The following STAT5B variants were observed in gnomAD, a reference collection of about 807,000 sequenced individuals.
STAT5B encodes transcription factor STAT5B.
Under a neutral mutation model 107.8 loss-of-function variants are expected in STAT5B, and 21 were observed. The ratio of observed to expected loss-of-function variants is 0.19; its 90% CI spans 0.14 to 0.28. The LOEUF is 0.28. STAT5B is among the 10% of genes least tolerant of loss of function. The pLI is 1.00. For missense variants in STAT5B, 565 were observed against 1,008.2 expected, an observed-to-expected ratio of 0.56 and a Z score of 5.95; for synonymous variants, 325 against 401.7, an observed-to-expected ratio of 0.81 and a Z score of 2.28.
At chr17:42,208,736 AT>A (rs869068551) in intron 15 of STAT5B, among the ~76,000 whole-genome samples, 37 of 146,752 alleles carry the variant, frequency 2.5e-4, no homozygotes, top group East Asian at 4.0e-4. Flanking sequence ...AAAGTGATGA[AT>A]TTTTTTTTTT....
chr17:42,277,217 T>G (rs1413035298), upstream of STAT5B, among the ~76,000 whole-genome samples: 7 of 152,188 alleles, frequency 4.6e-5, no homozygotes, highest in Non-Finnish European at 1.0e-4. Context: ...TTTCCTCTGC[T>G]ACGTCTATCT....
At chr17:42,287,563 G>GC in the STAT5B span, 1 of 152,428 alleles carries the variant, frequency 6.6e-6, no homozygotes, top group Non-Finnish European at 1.5e-5. Flanking sequence ...GATATTCACT[G>GC]CTGTGGCAAG....
At chr17:42,209,709 A>C (rs1567655732) in intron 15 of STAT5B, among the ~76,000 whole-genome samples, 1 of 152,222 alleles carries the variant, frequency 6.6e-6, no homozygotes, top group Admixed American at 6.5e-5. Context: ...CCCTGTTTCA[A>C]AAAAAGAAAA....
At chr17:42,215,300 G>A (rs1170346204) in intron 12 of STAT5B, among the ~76,000 whole-genome samples, 2 of 152,208 alleles carry the variant, frequency 1.3e-5, no homozygotes, top group East Asian at 3.9e-4. Flanking sequence ...GTGAACCTAG[G>A]AGTCCCAAAT....
intron 5 of STAT5B, 96 bp from the exon 6 acceptor site, chr17:42,219,938 T>C (rs530191475): frequency 1.9e-5 from 30 of 1,580,382 alleles, no homozygotes; most frequent in Admixed American, 1.4e-4. Context: ...GAGACCCTCC[T>C]GGGCTCAGAT....
At chr17:42,243,972 T>C (rs1340517372) in intron 1 of STAT5B, among the ~76,000 whole-genome samples, 1 of 151,608 alleles carries the variant, frequency 6.6e-6, no homozygotes, top group African/African-American at 2.4e-5. Flanking sequence ...TCCAGATGAC[T>C]AAAAGCACTT....
At position 42,201,041 on chromosome 17, in the gene STAT5B, G is replaced by T; in HGVS notation, c.*697C>A. ...AGTGGCAATTCCAGGGTGCGGGCGGGCAGGAGGGGAGAGAGGACAAAGAGA... is the reference window on the plus strand; with the variant it reads ...AGTGGCAATTCCAGGGTGCGGGCGGTCAGGAGGGGAGAGAGGACAAAGAGA... On this transcript the variant is annotated 3_prime_UTR_variant, in exon 19 of 19. Transcript: ENST00000293328. 1 of 401,758 alleles carries T rather than the reference G, an allele frequency of 2.5e-6. No homozygotes were observed. The highest frequency in any genetic ancestry group is 4.4e-6 in the Non-Finnish European group (1 of 227,996). 24.9% of individuals were successfully genotyped at this position (401,758 alleles called of 1,614,324 possible).
upstream of STAT5B, among the ~76,000 whole-genome samples, chr17:42,280,981 A>G (rs2080792994): frequency 6.6e-6 from 1 of 151,812 alleles, no homozygotes; most frequent in Non-Finnish European, 1.5e-5. Flanking sequence ...AAAAATACCA[A>G]AAATTAGCCG....
intron 1 of STAT5B, among the ~76,000 whole-genome samples, chr17:42,254,797 TGGA>T (rs2080528154): frequency 1.3e-5 from 2 of 151,424 alleles, no homozygotes; most frequent in Non-Finnish European, 2.9e-5. Context: ...TTTTTAAAAA[TGGA>T]AAAAAAAAGA....
intron 1 of STAT5B, among the ~76,000 whole-genome samples, chr17:42,246,932 G>A (rs947360007): frequency 1.3e-5 from 2 of 152,210 alleles, no homozygotes; most frequent in African/African-American, 4.8e-5. Flanking sequence ...AACCTCAGCT[G>A]TTGGTTCCTA....
At chr17:42,251,264 G>A (rs957844386) in intron 1 of STAT5B, among the ~76,000 whole-genome samples, 1 of 152,088 alleles carries the variant, frequency 6.6e-6, no homozygotes, top group Admixed American at 6.6e-5. Flanking sequence ...GAACTGTCCT[G>A]GGCTTGGGTA....
At chr17:42,224,318 G>A (rs576122044) in intron 4 of STAT5B, among the ~76,000 whole-genome samples, 2 of 151,912 alleles carry the variant, frequency 1.3e-5, no homozygotes, top group East Asian at 3.9e-4. Context: ...TTATAAATCA[G>A]TTAAGATCAG....
chr17:42,231,700 T>C (rs1425722865), intron 2 of STAT5B, among the ~76,000 whole-genome samples: 5 of 152,186 alleles, frequency 3.3e-5, no homozygotes, highest in Non-Finnish European at 7.3e-5. Context: ...ACTCGAAACA[T>C]ATTTGTTGGC....
chr17:42,251,665 C>T (rs1598329568), intron 1 of STAT5B, among the ~76,000 whole-genome samples: 1 of 152,196 alleles, frequency 6.6e-6, no homozygotes, highest in East Asian at 1.9e-4. Context: ...ACAAGGTATA[C>T]ATGATAAATT....
chr17:42,220,585 C>T (rs920856095), intron 5 of STAT5B, among the ~76,000 whole-genome samples: 21 of 152,116 alleles, frequency 1.4e-4, no homozygotes, highest in Non-Finnish European at 2.4e-4. Context: ...CAGGTGAGCT[C>T]ACTGTGAACC....
chr17:42,225,998 G>A (rs1013496799), intron 3 of STAT5B, among the ~76,000 whole-genome samples: 21 of 152,224 alleles, frequency 1.4e-4, no homozygotes, highest in African/African-American at 4.6e-4. Flanking sequence ...GCAATGGCAC[G>A]GTCTCGGCTC....
At chr17:42,280,041 CTCT>C (rs1371907613), upstream of STAT5B, among the ~76,000 whole-genome samples, 3 of 152,032 alleles carry the variant, frequency 2.0e-5, no homozygotes, top group East Asian at 1.9e-4. Context: ...GGGTGGGACC[CTCT>C]TCTTCTAGGC....
At chr17:42,234,633 G>A (rs2080342888) in intron 1 of STAT5B, 1 of 152,266 alleles carries the variant, frequency 6.6e-6, no homozygotes, top group African/African-American at 2.4e-5. Context: ...GCTGAGGTGG[G>A]TGGATCACCT....
intron 1 of STAT5B, among the ~76,000 whole-genome samples, chr17:42,233,129 G>A (rs758122244): frequency 4.6e-5 from 7 of 151,506 alleles, no homozygotes; most frequent in South Asian, 4.2e-4. Context: ...GAGCCACTGC[G>A]CCCAGCTGAG....
Sources: gnomAD v4.1 joint callset for allele counts (sites outside exome capture counted in the v4.1 genomes callset) on GRCh38, gnomAD v4.1.1 for gene constraint, MANE v1.5 for transcripts, NCBI Gene and HGNC (gene_info 2026-07-23, HGNC 2026-07-21) for gene names.